The following ST8SIA2 variants were observed in gnomAD, a reference collection of about 807,000 sequenced individuals.
The protein encoded by ST8SIA2 is ST8 alpha-N-acetyl-neuraminide alpha-2,8-sialyltransferase 2, also known as alpha-2,8-sialyltransferase 8B.
ST8SIA2 carries 22 observed loss-of-function variants against 37.6 expected under a neutral mutation model. The observed-to-expected ratio is 0.58, with a 90% CI of 0.42 to 0.83. ST8SIA2 has a LOEUF of 0.83. Ranked by LOEUF, ST8SIA2 falls within the 40% of genes least tolerant of loss-of-function variation. The pLI, the probability that ST8SIA2 is intolerant of heterozygous loss-of-function variation, is 0.00. For missense variants in ST8SIA2, 382 were observed against 484.7 expected (o/e 0.79, Z 1.99); for synonymous variants, 205 against 201.2 (o/e 1.02, Z -0.16).
intron 1 of ST8SIA2, among the ~76,000 whole-genome samples, chr15:92,399,815 G>A (rs1204982821): frequency 6.6e-6 from 1 of 152,196 alleles, no homozygotes; most frequent in Non-Finnish European, 1.5e-5. Context: ...CTGTAAGGCA[G>A]GGTTGCTAGG....
chr15:92,419,897 C>T (rs894305658), intron 1 of ST8SIA2, among the ~76,000 whole-genome samples: 4 of 152,156 alleles, frequency 2.6e-5, no homozygotes, highest in African/African-American at 7.2e-5. Flanking sequence ...GATAGAGTCT[C>T]GCTCTGTCGC....
chr15:92,401,932 T>C (rs2049475281), intron 1 of ST8SIA2, among the ~76,000 whole-genome samples: 1 of 150,382 alleles, frequency 6.6e-6, no homozygotes, highest in Non-Finnish European at 1.5e-5. Context: ...AAAAGTGCAA[T>C]GTAGCCATGA....
At chr15:92,436,405 A>G (rs2049759051) in intron 3 of ST8SIA2, among the ~76,000 whole-genome samples, 1 of 152,226 alleles carries the variant, frequency 6.6e-6, no homozygotes, top group Non-Finnish European at 1.5e-5. Context: ...CAGTCCCTTC[A>G]GCAGCAACAA....
chr15:92,394,673 G>A (rs2049417015), intron 1 of ST8SIA2, among the ~76,000 whole-genome samples: 1 of 152,150 alleles, frequency 6.6e-6, no homozygotes, highest in Non-Finnish European at 1.5e-5. Flanking sequence ...ACTGGGAAGC[G>A]GAATGTCCCC....
chr15:92,461,891 G>A (rs2049960122), intron 5 of ST8SIA2, among the ~76,000 whole-genome samples: 1 of 152,204 alleles, frequency 6.6e-6, no homozygotes, highest in African/African-American at 2.4e-5. Flanking sequence ...ACAAACACTT[G>A]CTCCTGTTAT....
chr15:92,407,132 C>G (rs542477744), intron 1 of ST8SIA2, among the ~76,000 whole-genome samples: 2 of 152,110 alleles, frequency 1.3e-5, no homozygotes, highest in East Asian at 1.9e-4. Context: ...ATTATAAAAC[C>G]CCTGCAACAC....
chr15:92,394,816 G>A (rs1044187076), intron 1 of ST8SIA2, among the ~76,000 whole-genome samples: 1 of 152,198 alleles, frequency 6.6e-6, no homozygotes, highest in Non-Finnish European at 1.5e-5. Context: ...GTTCAGCCAA[G>A]CCACGGCAAC....
chr15:92,394,379 G>A (rs1404504967), intron 1 of ST8SIA2, among the ~76,000 whole-genome samples: 1 of 152,098 alleles, frequency 6.6e-6, no homozygotes, highest in Non-Finnish European at 1.5e-5. Flanking sequence ...GTCCCCGGGC[G>A]GGGTTCACGG....
chr15:92,394,649 G>T (rs2049416690), intron 1 of ST8SIA2, among the ~76,000 whole-genome samples: 1 of 152,184 alleles, frequency 6.6e-6, no homozygotes. Context: ...GGAGGGCGGG[G>T]TTCTGCATGG....
rs201671385 is a variant in ST8SIA2 at position 92,461,528 on chromosome 15, T to TG, written c.843-2571dup. Among the ~76,000 whole-genome samples the TG allele has an allele frequency of 2.9e-3, 447 of 152,246 alleles. 19 individuals carry two copies. Among genetic ancestry groups the TG allele is most frequent in the Admixed American group, 0.029 (438 of 15,292 alleles). Reference sequence around the variant, plus strand: ...CCCCTGGCGCACAGGTCTCCATGGGTGCCCAGAGGGACAAACTTAGCACAG... The same window carrying TG: ...CCCCTGGCGCACAGGTCTCCATGGGTGGCCCAGAGGGACAAACTTAGCACAG... On this transcript the variant is annotated intron_variant, in intron 5 of 5. Transcript: ENST00000268164.
chr15:92,425,488 G>A (rs1359078660), intron 1 of ST8SIA2, among the ~76,000 whole-genome samples: 1 of 152,196 alleles, frequency 6.6e-6, no homozygotes, highest in Non-Finnish European at 1.5e-5. Flanking sequence ...AACAAGACAG[G>A]CTTCTATTCT....
At chr15:92,429,916 C>T in intron 1 of ST8SIA2, 133 bp from the exon 2 acceptor site, 1 of 962,290 alleles carries the variant, frequency 1.0e-6, no homozygotes, top group East Asian at 2.6e-5. Context: ...TTTGCCCATT[C>T]TGCAGAGTCC....
intron 1 of ST8SIA2, among the ~76,000 whole-genome samples, 157 bp downstream of exon 1, chr15:92,394,319 G>A (rs1447892553): frequency 1.3e-5 from 2 of 152,160 alleles, no homozygotes; most frequent in African/African-American, 4.8e-5. Context: ...GGCGACAGGG[G>A]CCCGGGACGG....
At position 92,408,469 on chromosome 15, in the gene ST8SIA2, C is replaced by T. The variant is rs1158830739; in HGVS notation, c.98+14307C>T. Among the ~76,000 whole-genome samples, 8 of 152,054 alleles carry T rather than the reference C, an allele frequency of 5.3e-5. No individual in the cohort carries two copies. In the East Asian group the frequency reaches 1.4e-3, roughly 26 times the overall value. ...TACAGTGCCTGGTGGAAAGTAGGTGCTCTTTTGGAGAAAGAAGGGAAGGAA... is the reference window on the plus strand; with the variant it reads ...TACAGTGCCTGGTGGAAAGTAGGTGTTCTTTTGGAGAAAGAAGGGAAGGAA... On this transcript the variant is annotated intron_variant, in intron 1 of 5. Transcript: ENST00000268164.
At chr15:92,445,596 G>C (rs1393443834) in intron 5 of ST8SIA2, among the ~76,000 whole-genome samples, 1 of 152,202 alleles carries the variant, frequency 6.6e-6, no homozygotes, top group Non-Finnish European at 1.5e-5. Context: ...TTCTCTCTAA[G>C]ATGGAGGGGA....
At chr15:92,394,672 C>T (rs2049416987) in intron 1 of ST8SIA2, among the ~76,000 whole-genome samples, 2 of 152,150 alleles carry the variant, frequency 1.3e-5, no homozygotes, top group African/African-American at 4.8e-5. Flanking sequence ...TACTGGGAAG[C>T]GGAATGTCCC....
intron 5 of ST8SIA2, among the ~76,000 whole-genome samples, chr15:92,462,225 C>A (rs764821393): frequency 1.4e-4 from 22 of 152,108 alleles, no homozygotes; most frequent in Admixed American, 7.9e-4. Flanking sequence ...GCCCCATAGT[C>A]GGGATGGGGG....
At chr15:92,453,361 A>C (rs12912127) in intron 5 of ST8SIA2, among the ~76,000 whole-genome samples, 67,648 of 151,944 alleles carry the variant, frequency 0.45, 16,247 homozygotes, top group East Asian at 0.62. Flanking sequence ...TAGCACATTC[A>C]CTGGTGATGT....
chr15:92,410,578 G>T (rs747466511), intron 1 of ST8SIA2, among the ~76,000 whole-genome samples: 4 of 152,134 alleles, frequency 2.6e-5, no homozygotes, highest in Non-Finnish European at 4.4e-5. Flanking sequence ...TGCACGTAAC[G>T]GGATGTAGAA....
Sources: allele counts gnomAD v4.1 joint callset (sites outside exome capture counted in the v4.1 genomes callset), GRCh38; gene constraint gnomAD v4.1.1; transcripts MANE v1.5; gene names NCBI Gene and HGNC (gene_info 2026-07-23, HGNC 2026-07-21).